The following GPS1 variants were observed in gnomAD, a reference collection of about 807,000 sequenced individuals.
GPS1 encodes the protein COP9 signalosome complex subunit 1.
A neutral mutation model predicts 60.0 loss-of-function variants in GPS1; 11 were observed. The ratio of observed to expected loss-of-function variants is 0.18; its 90% confidence interval spans 0.12 to 0.30. GPS1 has a LOEUF of 0.30. Ranked by LOEUF, GPS1 falls within the 10% of genes least tolerant of loss-of-function variation. The pLI, the probability that GPS1 is intolerant of heterozygous loss-of-function variation, is 1.00. For synonymous variants in GPS1, 343 were observed against 269.8 expected (o/e 1.27, Z -2.66); for missense variants, 543 against 669.2 (o/e 0.81, Z 2.08).
intron 1 of GPS1, chr17:82,052,312 G>A: frequency 6.2e-7 from 1 of 1,613,014 alleles, no homozygotes; most frequent in Non-Finnish European, 8.5e-7. Flanking sequence ...ACAGAATGAG[G>A]GATAGCTCGG....
chr17:82,053,008 G>T, intron 1 of GPS1: 1 of 317,106 alleles, frequency 3.2e-6, no homozygotes, highest in Non-Finnish European at 5.8e-6. Context: ...GGCTTTCAGA[G>T]ATGAGCGGCT....
chr17:82,054,624 G>A lies in GPS1; in HGVS notation c.423G>A (p.Leu141=), dbSNP rs143568996. Residue 141 remains leucine, a synonymous_variant, in exon 4 of 13, where the codon CTG becomes CTA. Coordinates refer to ENST00000578552, the MANE Select transcript of GPS1 (RefSeq NM_001321092.3). ...RKKALLKLEK[L]DTDLKNYKGN... ...AGGCGCTGCTGAAGCTGGAGAAGCT[G>A]GACACAGACCTGAAGAACTACAAGG... 313 of 1,609,586 alleles carry A rather than the reference G, an allele frequency of 1.9e-4. No individual in the cohort carries two copies. In the African/African-American group the frequency reaches 3.3e-3, roughly 17 times the overall value.
Position 82,057,155 on chromosome 17 carries a change from TGCAC to T in GPS1, c.*29_*32del. 1 of 1,568,852 alleles carries T rather than the reference TGCAC, an allele frequency of 6.4e-7. No individual in the cohort carries two copies. Among genetic ancestry groups the T allele is most frequent in the South Asian group, 1.2e-5 (1 of 84,416 alleles). On this transcript the variant is annotated 3_prime_UTR_variant, in exon 13 of 13. Transcript: ENST00000578552. Reference sequence around the variant, plus strand: ...GGTGAACCTTGGCCTCCAGGACATCTGCACCCCCTCCCCACCTCCACGGACCTCG... The same window carrying T: ...GGTGAACCTTGGCCTCCAGGACATCTCCCCTCCCCACCTCCACGGACCTCG...
At chr17:82,056,819 G>A (rs780006785) in intron 11 of GPS1, 21 bp from the exon 12 acceptor site, 21 of 1,610,680 alleles carry the variant, frequency 1.3e-5, no homozygotes, top group Middle Eastern at 1.7e-4. Flanking sequence ...CCTGGGCCCC[G>A]CTGAGCTTGT....
upstream of GPS1, chr17:82,050,993 G>T (rs1027134894): frequency 7.0e-7 from 1 of 1,421,490 alleles, no homozygotes; most frequent in African/African-American, 1.4e-5. Context: ...GAAACAGGAC[G>T]GAGGCAGCTC....
chr17:82,052,838 T>A (rs2031261372), intron 1 of GPS1: 2 of 286,408 alleles, frequency 7.0e-6, no homozygotes, highest in Admixed American at 9.4e-5. Flanking sequence ...GCTCCGCTGC[T>A]CAGGACAGAT....
In GPS1 at chr17:82,054,012, T is replaced by C; in HGVS notation, c.271T>C (p.Tyr91His). 3 of 1,612,428 alleles carry C rather than the reference T, an allele frequency of 1.9e-6. No homozygotes were observed. The highest frequency in any genetic ancestry group is 2.5e-6 in the Non-Finnish European group (3 of 1,179,664). ...FVQRTFNVDM[Y>H]EEIHRKLSEA... ...GCAGAGAACCTTTAACGTGGACATG[T>C]ACGAGGAGATCCACCGCAAGCTCTC... The change falls in exon 3 of 13, where the codon TAC becomes CAC. Residue 91 changes from tyrosine (Y) to histidine (H), a missense_variant. By Grantham distance (83) the Tyr-to-His change is moderately conservative. Coordinates refer to ENST00000578552, the MANE Select transcript of GPS1 (RefSeq NM_001321092.3).
chr17:82,051,245 A>G (rs758958470), upstream of GPS1: 10 of 1,331,356 alleles, frequency 7.5e-6, no homozygotes, highest in Non-Finnish European at 8.7e-6. The surrounding 1 kb of genome is among the most constrained non-coding windows in gnomAD (Gnocchi z 4.1). Context: ...GGAGCGAGAA[A>G]GGCTCGGGGG....
chr17:82,056,265 C>A, intron 8 of GPS1, 21 bp from the exon 9 acceptor site: 3 of 1,540,452 alleles, frequency 1.9e-6, no homozygotes, highest in Non-Finnish European at 2.7e-6. Context: ...GGACAGAGTT[C>A]TGAGGGGTCT....
chr17:82,056,997 A>G, intron 12 of GPS1, 23 bp downstream of exon 12: 1 of 1,612,284 alleles, frequency 6.2e-7, no homozygotes, highest in African/African-American at 1.3e-5. Flanking sequence ...GAGGGGGGGC[A>G]GGCGCACGGC....
upstream of GPS1, chr17:82,051,647 G>A (rs1173886787): frequency 3.8e-6 from 4 of 1,064,618 alleles, no homozygotes; most frequent in South Asian, 8.9e-5. This position sits in a 1 kb window ranked among gnomAD's most constrained non-coding sequence, Gnocchi z 4.1. Context: ...GCGGGGCCGG[G>A]GCGGGGGTCC....
Position 82,054,914 on chromosome 17 carries a change from A to G in GPS1, c.626A>G (p.Gln209Arg). 6.3e-7 allele frequency: 1 copy of G among 1,595,038 alleles called. No homozygotes were observed. The highest frequency in any genetic ancestry group is 8.6e-7 in the Non-Finnish European group (1 of 1,167,562). Residue 209 changes from glutamine to arginine, a missense_variant, in exon 5 of 13, where the codon CAG becomes CGG. Physicochemically the swap from Gln to Arg is conservative, Grantham distance 43 (BLOSUM62 1). This residue lies in a region of GPS1 where 71 missense variants were observed against 126.7 expected (regional missense o/e 0.56). Coordinates refer to ENST00000578552, the MANE Select transcript of GPS1 (RefSeq NM_001321092.3). ...LNVIKVSVYL[Q>R]NWSHVLSYVS... Reference sequence around the variant, plus strand: ...CCCCGCCAGGTCAGCGTCTACTTGCAGAATTGGTCTCATGTGCTCAGCTAC... The same window carrying G: ...CCCCGCCAGGTCAGCGTCTACTTGCGGAATTGGTCTCATGTGCTCAGCTAC...
upstream of GPS1, chr17:82,051,556 G>T: frequency 7.2e-7 from 1 of 1,395,920 alleles, no homozygotes; most frequent in East Asian, 3.2e-5. The surrounding 1 kb of genome is among the most constrained non-coding windows in gnomAD (Gnocchi z 4.1). Flanking sequence ...CGCGGCCCGT[G>T]GTTCTTCCGG....
At chr17:82,053,704 C>T in intron 2 of GPS1, 164 bp from the exon 3 acceptor site, 1 of 704,872 alleles carries the variant, frequency 1.4e-6, no homozygotes, top group Non-Finnish European at 2.3e-6. Context: ...GTCTTCGTAG[C>T]TCCTGGGACA....
rs2032710368 is a variant in GPS1, at chr17:82,056,222, C to T, written c.930-64C>T. 1.7e-5 allele frequency: 23 copies of T among 1,376,770 alleles called. No homozygotes were observed. The South Asian group carries it at 2.6e-4, about 15-fold the overall frequency. 85.3% of individuals were successfully genotyped at this position (1,376,770 alleles called of 1,614,324 possible). The stretch of plus-strand genomic sequence containing the variant: ...CAGGTGTTTGTCTGGGGACTGGTGT[C>T]CCACTGGCCACTTGGAGGGAGGGGC... On this transcript the variant is annotated intron_variant, in intron 8 of 12. Transcript: ENST00000578552.
At chr17:82,052,228 C>T (rs2144304214) in intron 1 of GPS1, 4 of 1,589,252 alleles carry the variant, frequency 2.5e-6, no homozygotes, top group South Asian at 2.2e-5. Flanking sequence ...CCCGGCCGCC[C>T]CGACGCTAAC....
Position 82,055,152 on chromosome 17 carries a change from C to T in GPS1, c.688-10C>T, listed in dbSNP as rs1482630296. Reference sequence around the variant, plus strand: ...AGCATGGGCCTCACGCATGTGGCTTCCTCCTACAGCAGCGAGGAGAGCGTG... The same window carrying T: ...AGCATGGGCCTCACGCATGTGGCTTTCTCCTACAGCAGCGAGGAGAGCGTG... On this transcript the variant is annotated splice_polypyrimidine_tract_variant and intron_variant, in intron 5 of 12. Coordinates refer to ENST00000578552, the MANE Select transcript of GPS1 (RefSeq NM_001321092.3). 3 of 1,564,886 alleles carry T rather than the reference C, an allele frequency of 1.9e-6. No homozygotes were observed. Among genetic ancestry groups the T allele is most frequent in the Non-Finnish European group, 1.7e-6 (2 of 1,154,870 alleles).
chr17:82,053,442 T>C, intron 2 of GPS1, 76 bp downstream of exon 2: 1 of 1,048,486 alleles, frequency 9.5e-7, no homozygotes, highest in Non-Finnish European at 1.3e-6. Flanking sequence ...CGCTGCAGCC[T>C]GCACAGCAGG....
At chr17:82,055,567 C>T in intron 6 of GPS1, 173 bp from the exon 7 acceptor site, 1 of 613,322 alleles carries the variant, frequency 1.6e-6, no homozygotes, top group South Asian at 2.0e-5. Flanking sequence ...GGGCTCTTTC[C>T]ACCCGTGACT....
Sources: allele counts gnomAD v4.1 joint callset, GRCh38; gene constraint gnomAD v4.1.1; regional missense constraint gnomAD v4.1.1; non-coding constraint Gnocchi (gnomAD v3.1); transcripts MANE v1.5; gene names NCBI Gene and HGNC (gene_info 2026-07-23, HGNC 2026-07-21).